The following PCDH7 variants were observed in gnomAD, a reference collection of about 807,000 sequenced individuals.
The protein encoded by PCDH7 is protocadherin-7.
Under a neutral mutation model 58.9 loss-of-function variants are expected in PCDH7, and 17 were observed. That is an observed-to-expected ratio of 0.29 (90% CI 0.20 to 0.43). The LOEUF is 0.43. Ranked by LOEUF, PCDH7 falls within the 20% of genes least tolerant of loss-of-function variation. The pLI is 1.00. For missense variants in PCDH7, 1,274 were observed against 1,441.0 expected (o/e 0.88, Z 1.88); for synonymous variants, 664 against 616.4 (o/e 1.08, Z -1.14).
intron 2 of PCDH7, among the ~76,000 whole-genome samples, chr4:30,924,807 G>C (rs1045704499): frequency 9.1e-6 from 1 of 110,440 alleles, no homozygotes; most frequent in East Asian, 2.4e-4. Context: ...ACTTTGGTCA[G>C]AGTACAAATG....
intron 1 of PCDH7, among the ~76,000 whole-genome samples, chr4:30,871,369 C>A (rs1404998801): frequency 6.6e-6 from 1 of 151,970 alleles, no homozygotes; most frequent in Non-Finnish European, 1.5e-5. Flanking sequence ...CCTGTAGGAC[C>A]TCTGAACCAA....
intron 3 of PCDH7, among the ~76,000 whole-genome samples, chr4:31,004,323 G>A (rs1336128605): frequency 1.3e-5 from 2 of 152,142 alleles, no homozygotes; most frequent in Non-Finnish European, 2.9e-5. Context: ...ATACACACAT[G>A]ATAGCTCATT....
At chr4:30,861,520 T>A (rs1261908886) in intron 1 of PCDH7, among the ~76,000 whole-genome samples, 1 of 152,174 alleles carries the variant, frequency 6.6e-6, no homozygotes, top group Non-Finnish European at 1.5e-5. Flanking sequence ...TATCCCTTAT[T>A]TCAACACTTG....
In PCDH7 at chr4:30,720,666, C is replaced by G. The variant is rs1327268622; in HGVS notation, c.-757C>G. 1 of 152,590 alleles carries G rather than the reference C, an allele frequency of 6.6e-6. No individual in the cohort carries two copies. The highest frequency in any genetic ancestry group is 1.5e-5 in the Non-Finnish European group (1 of 68,254). 9.5% of individuals were successfully genotyped at this position (152,590 alleles called of 1,614,324 possible). A position where few individuals can be genotyped will look rare whatever the true frequency, so the allele number is the denominator to read the frequency against. On this transcript the variant is annotated 5_prime_UTR_variant, in exon 1 of 2. Transcript: ENST00000361762. This position sits in a 1 kb window ranked among gnomAD's most constrained non-coding sequence, Gnocchi z 4.7. ...CTTCTCTTTGGCGCGCCGGGGGGAC[C>G]CTGACACTGACCGCTCTGTGACGCG...
chr4:30,753,807 C>CA (rs1171137538), intron 1 of PCDH7, among the ~76,000 whole-genome samples: 1 of 151,656 alleles, frequency 6.6e-6, no homozygotes, highest in African/African-American at 2.4e-5. Context: ...GAATTCCTCC[C>CA]AAAAAAATAA....
At chr4:31,034,174 A>G (rs1755191213) in intron 3 of PCDH7, among the ~76,000 whole-genome samples, 1 of 152,082 alleles carries the variant, frequency 6.6e-6, no homozygotes, top group Non-Finnish European at 1.5e-5. Flanking sequence ...TCTTGCCACA[A>G]TAGTCCTCCC....
chr4:31,088,882 A>G (rs1712844247), intron 3 of PCDH7, among the ~76,000 whole-genome samples: 2 of 152,172 alleles, frequency 1.3e-5, no homozygotes, highest in South Asian at 2.1e-4. Flanking sequence ...AATGTTTTCA[A>G]TAATAATGTT....
chr4:31,146,461 G>A (rs902616268), downstream of PCDH7: 3 of 151,996 alleles, frequency 2.0e-5, no homozygotes, highest in Admixed American at 6.6e-5. Context: ...ATAACATCTG[G>A]AGGAAGCATC....
chr4:30,782,170 A>C (rs1253218177), intron 1 of PCDH7, among the ~76,000 whole-genome samples: 3 of 152,178 alleles, frequency 2.0e-5, no homozygotes, highest in Non-Finnish European at 2.9e-5. Context: ...GAGCTTCTTA[A>C]CACTTTTTTT....
chr4:30,973,673 G>T (rs1749797972), intron 3 of PCDH7, among the ~76,000 whole-genome samples: 1 of 152,066 alleles, frequency 6.6e-6, no homozygotes, highest in South Asian at 2.1e-4. Context: ...AATATTCCTG[G>T]AGTGCTGAGC....
intron 1 of PCDH7, among the ~76,000 whole-genome samples, chr4:30,788,368 C>T (rs975923848): frequency 6.6e-6 from 1 of 151,848 alleles, no homozygotes; most frequent in African/African-American, 2.4e-5. Flanking sequence ...TTTATCTTGC[C>T]GATTGACTTT....
intron 2 of PCDH7, among the ~76,000 whole-genome samples, chr4:30,943,789 A>AT (rs929511845): frequency 4.0e-5 from 6 of 150,900 alleles, no homozygotes; most frequent in East Asian, 1.9e-4. Context: ...GCCCAAGACA[A>AT]TTTTTTTTCC....
intron 3 of PCDH7, among the ~76,000 whole-genome samples, chr4:30,968,448 C>T (rs1235913005): frequency 7.8e-6 from 1 of 127,716 alleles, no homozygotes; most frequent in African/African-American, 2.9e-5. Context: ...AAACAAAAGA[C>T]AAGACAGCTC....
intron 3 of PCDH7, among the ~76,000 whole-genome samples, chr4:31,103,380 C>T (rs1343853668): frequency 1.3e-5 from 2 of 152,112 alleles, no homozygotes; most frequent in South Asian, 4.1e-4. Context: ...TGCTCTGTCA[C>T]CTAGGCTGCT....
intron 1 of PCDH7, among the ~76,000 whole-genome samples, chr4:30,887,157 G>A (rs1442446854): frequency 6.6e-6 from 1 of 151,912 alleles, no homozygotes; most frequent in Non-Finnish European, 1.5e-5. Context: ...CTATGTATAG[G>A]GACAATCTTG....
intron 1 of PCDH7, among the ~76,000 whole-genome samples, chr4:30,729,545 G>A (rs1046025407): frequency 6.6e-6 from 1 of 151,776 alleles, no homozygotes; most frequent in Non-Finnish European, 1.5e-5. Context: ...AATATTAGCA[G>A]AACAATGATA....
chr4:30,754,186 G>T (rs190964638), intron 1 of PCDH7, among the ~76,000 whole-genome samples: 3,606 of 140,668 alleles, frequency 0.026, 139 homozygotes, highest in African/African-American at 0.1. Context: ...GTGTGTGTGT[G>T]TGTTTTTTCT....
At chr4:30,923,781 T>C (rs1237272665) in intron 2 of PCDH7, among the ~76,000 whole-genome samples, 1 of 152,204 alleles carries the variant, frequency 6.6e-6, no homozygotes, top group Non-Finnish European at 1.5e-5. Context: ...ATCATCATTA[T>C]GATAATTTCA....
chr4:30,865,724 A>G (rs1560448666), intron 1 of PCDH7, among the ~76,000 whole-genome samples: 1 of 152,140 alleles, frequency 6.6e-6, no homozygotes, highest in East Asian at 1.9e-4. Flanking sequence ...ATAGAAATAT[A>G]CATACCTTCT....
Sources: gnomAD v4.1 joint callset for allele counts (sites outside exome capture counted in the v4.1 genomes callset) on GRCh38, gnomAD v4.1.1 for gene constraint, Gnocchi (gnomAD v3.1) non-coding constraint, MANE v1.5 for transcripts, NCBI Gene and HGNC (gene_info 2026-07-23, HGNC 2026-07-21) for gene names.